ATP8B4: variants seen among roughly 807,000 people sequenced by gnomAD.
The protein encoded by ATP8B4 is ATPase phospholipid transporting 8B4 (putative).
In ATP8B4, 133 loss-of-function variants were observed where a neutral mutation model predicts 145.6. The observed-to-expected ratio is 0.91, with a 90% CI of 0.79 to 1.05. The LOEUF is 1.05. Ranked by LOEUF, ATP8B4 falls within the 50% of genes least tolerant of loss-of-function variation. The probability of loss-of-function intolerance (pLI) is 0.00; values close to 1 mark genes in which losing one functional copy is unlikely to be tolerated. For missense variants in ATP8B4, 1,458 were observed against 1,425.2 expected, an observed-to-expected ratio of 1.02 and a Z score of -0.37; for synonymous variants, 507 against 492.9, an observed-to-expected ratio of 1.03 and a Z score of -0.38.
chr15:50,146,325 T>C (rs575833829), intron 1 of ATP8B4, among the ~76,000 whole-genome samples: 19 of 152,268 alleles, frequency 1.2e-4, no homozygotes, highest in African/African-American at 4.6e-4. Context: ...TTTTCAAATA[T>C]AAAATTTAGT....
chr15:49,977,322 G>A (rs1029079018), intron 12 of ATP8B4, among the ~76,000 whole-genome samples: 6 of 151,810 alleles, frequency 4.0e-5, no homozygotes, highest in Admixed American at 1.3e-4. Flanking sequence ...TTTTTCCCTC[G>A]AGTTAAGATC....
chr15:50,057,483 C>T (rs762667206), intron 3 of ATP8B4, among the ~76,000 whole-genome samples: 4 of 152,180 alleles, frequency 2.6e-5, no homozygotes, highest in Admixed American at 6.5e-5. Context: ...GGCCCTCATC[C>T]GACATCCTTC....
intron 2 of ATP8B4, among the ~76,000 whole-genome samples, chr15:50,094,461 T>C (rs947527395): frequency 4.0e-5 from 6 of 151,806 alleles, no homozygotes; most frequent in African/African-American, 1.2e-4. Flanking sequence ...CAAATCCATA[T>C]AGCATTTATA....
chr15:50,070,826 C>T (rs1469661757), intron 3 of ATP8B4, among the ~76,000 whole-genome samples: 5 of 152,208 alleles, frequency 3.3e-5, no homozygotes, highest in Admixed American at 2.0e-4. Flanking sequence ...CTGCAACCTC[C>T]GCCTTCCAGG....
chr15:50,025,972 T>C (rs995827022), intron 6 of ATP8B4, among the ~76,000 whole-genome samples: 2 of 152,214 alleles, frequency 1.3e-5, no homozygotes, highest in Non-Finnish European at 2.9e-5. Flanking sequence ...AGTAGCCTCA[T>C]GCTTTGAATT....
chr15:49,901,709 C>T (rs933817118), intron 20 of ATP8B4: 13 of 356,216 alleles, frequency 3.6e-5, no homozygotes, highest in South Asian at 1.4e-4. Flanking sequence ...CAATGTAATA[C>T]GATCCAGCTT....
chr15:50,180,441 C>G (rs1298497847), intron 1 of ATP8B4, among the ~76,000 whole-genome samples: 1 of 152,190 alleles, frequency 6.6e-6, no homozygotes, highest in African/African-American at 2.4e-5. Context: ...CTTCAGCTAG[C>G]TTGGGTCTTG....
At chr15:50,087,106 AT>A (rs573188550) in intron 2 of ATP8B4, among the ~76,000 whole-genome samples, 1,575 of 49,196 alleles carry the variant, frequency 0.032, 50 homozygotes, top group Middle Eastern at 0.087. Context: ...ATAAATATAG[AT>A]TATATTTATT....
At chr15:49,969,429 A>T (rs1281120446) in intron 13 of ATP8B4, among the ~76,000 whole-genome samples, 1 of 152,192 alleles carries the variant, frequency 6.6e-6, no homozygotes, top group African/African-American at 2.4e-5. Flanking sequence ...ACAATAAAAA[A>T]TTATGAAGGG....
At chr15:49,953,247 G>C (rs1417843361) in intron 14 of ATP8B4, among the ~76,000 whole-genome samples, 20 of 152,152 alleles carry the variant, frequency 1.3e-4, no homozygotes. Context: ...TGGAAGGGCT[G>C]TGTTTCACTG....
chr15:50,069,400 C>T (rs988865651), intron 3 of ATP8B4, among the ~76,000 whole-genome samples: 17 of 152,276 alleles, frequency 1.1e-4, no homozygotes, highest in African/African-American at 4.1e-4. Flanking sequence ...TGAAGGTTCT[C>T]GAGGTATTGA....
At chr15:50,179,139 T>A (rs1476716446) in intron 1 of ATP8B4, among the ~76,000 whole-genome samples, 1 of 152,154 alleles carries the variant, frequency 6.6e-6, no homozygotes, top group Non-Finnish European at 1.5e-5. Context: ...AAGGAACAGT[T>A]AGAATTAAGT....
chr15:49,948,958 G>A (rs527469384), intron 14 of ATP8B4, among the ~76,000 whole-genome samples: 9 of 152,076 alleles, frequency 5.9e-5, no homozygotes, highest in Non-Finnish European at 1.0e-4. Context: ...TGTCAGGTTC[G>A]TCGAAGATCA....
intron 5 of ATP8B4, among the ~76,000 whole-genome samples, chr15:50,041,531 G>C (rs2051283200): frequency 6.6e-6 from 1 of 152,150 alleles, no homozygotes; most frequent in South Asian, 2.1e-4. Context: ...TATAAGAAGA[G>C]ACCCCAAAGT....
intron 16 of ATP8B4, among the ~76,000 whole-genome samples, chr15:49,928,819 A>G: frequency 6.6e-6 from 1 of 152,122 alleles, no homozygotes; most frequent in Non-Finnish European, 1.5e-5. Flanking sequence ...ACAATAGAAT[A>G]TTCTAGAGAT....
At chr15:49,862,661 T>A (rs2032054740) in intron 26 of ATP8B4, among the ~76,000 whole-genome samples, 1 of 152,098 alleles carries the variant, frequency 6.6e-6, no homozygotes, top group Admixed American at 6.5e-5. Flanking sequence ...GGTTTCACCA[T>A]GTTAGCCAGG....
intron 23 of ATP8B4, among the ~76,000 whole-genome samples, chr15:49,893,614 A>G (rs1399890763): frequency 6.6e-6 from 1 of 152,232 alleles, no homozygotes; most frequent in Non-Finnish European, 1.5e-5. Flanking sequence ...ACTCATAGAA[A>G]AAGAAAGTAG....
intron 23 of ATP8B4, among the ~76,000 whole-genome samples, chr15:49,892,606 T>C (rs2036950294): frequency 6.6e-6 from 1 of 152,188 alleles, no homozygotes; most frequent in Non-Finnish European, 1.5e-5. Flanking sequence ...ATTGTTGCTA[T>C]AGAAGCATCC....
chr15:50,136,615 T>C (rs1259999960), intron 1 of ATP8B4, among the ~76,000 whole-genome samples: 1 of 152,230 alleles, frequency 6.6e-6, no homozygotes, highest in African/African-American at 2.4e-5. Flanking sequence ...TTCTCTCTTT[T>C]TGAAAGTGAA....
Sources: allele counts gnomAD v4.1 joint callset (sites outside exome capture counted in the v4.1 genomes callset), GRCh38; gene constraint gnomAD v4.1.1; transcripts MANE v1.5; gene names NCBI Gene and HGNC (gene_info 2026-07-23, HGNC 2026-07-21).